Variants in DYRK1A observed in about 807,000 individuals in gnomAD.
DYRK1A encodes dual specificity tyrosine phosphorylation regulated kinase 1A.
A neutral mutation model predicts 79.7 loss-of-function variants in DYRK1A; 9 were observed. That is an observed-to-expected ratio of 0.11 (90% CI 0.07 to 0.20). DYRK1A has a LOEUF of 0.20. Ranked by LOEUF, DYRK1A falls within the 10% of genes least tolerant of loss-of-function variation. The pLI is 1.00. For missense variants in DYRK1A, 622 were observed against 956.0 expected, an observed-to-expected ratio of 0.65 and a Z score of 4.61; for synonymous variants, 349 against 329.7, an observed-to-expected ratio of 1.06 and a Z score of -0.63.
At chr21:37,416,531 C>T (rs1488846634) in intron 1 of DYRK1A, among the ~76,000 whole-genome samples, 1 of 151,740 alleles carries the variant, frequency 6.6e-6, no homozygotes, top group African/African-American at 2.4e-5. Context: ...CCTTTGACTC[C>T]TTTGGCTATT....
rs1601295238 is a variant in DYRK1A at position 37,498,108 on chromosome 21, T to C, written c.1212+1850T>C. ...GTTTGTTTACTGATTTTATTTTTAC[T>C]TTTAATTTTTCATTTTACATTTCAA... On this transcript the variant is annotated intron_variant, in intron 9 of 11. Coordinates refer to ENST00000647188, the MANE Select transcript of DYRK1A (RefSeq NM_001347721.2). 2.0e-5 allele frequency among the ~76,000 whole-genome samples: 3 copies of C among 152,310 alleles called. No homozygotes were observed. The South Asian group carries it at 6.2e-4, about 32-fold the overall frequency.
chr21:37,447,928 G>A (rs1356077522), intron 2 of DYRK1A, among the ~76,000 whole-genome samples: 2 of 152,102 alleles, frequency 1.3e-5, no homozygotes, highest in Admixed American at 6.5e-5. Context: ...TTAAAATTCG[G>A]AATTAACAAG....
At chr21:37,502,784 T>C (rs762529890) in intron 9 of DYRK1A, 1 of 152,212 alleles carries the variant, frequency 6.6e-6, no homozygotes, top group Admixed American at 6.5e-5. Context: ...TATTTTGTAA[T>C]GAATAAGCTA....
intron 5 of DYRK1A, among the ~76,000 whole-genome samples, chr21:37,483,455 TC>T (rs1474343956): frequency 3.9e-5 from 6 of 152,242 alleles, no homozygotes; most frequent in Non-Finnish European, 8.8e-5. Context: ...GTATATGTCT[TC>T]TTCCCATGAT....
chr21:37,391,147 G>A (rs759699827), intron 1 of DYRK1A, among the ~76,000 whole-genome samples: 12 of 152,210 alleles, frequency 7.9e-5, no homozygotes, highest in Non-Finnish European at 1.5e-4. Flanking sequence ...TCTTTGGAGT[G>A]GAGAATGGCA....
chr21:37,375,322 C>T (rs1602356237), intron 1 of DYRK1A, among the ~76,000 whole-genome samples: 1 of 152,222 alleles, frequency 6.6e-6, no homozygotes, highest in South Asian at 2.1e-4. Flanking sequence ...GTATATACAG[C>T]ATTAGAATAG....
Position 37,490,171 on chromosome 21 carries a change from T to C in DYRK1A, c.638-4T>C, listed in dbSNP as rs2053033978. On this transcript the variant is annotated splice_region_variant and splice_polypyrimidine_tract_variant and intron_variant, in intron 6 of 11. Transcript: ENST00000647188. Reference sequence around the variant, plus strand: ...ATTTAAAATGAAACTGTTTTCTCTTTCAGTGCATTTGAAACGCCACTTTAT... The same window carrying C: ...ATTTAAAATGAAACTGTTTTCTCTTCCAGTGCATTTGAAACGCCACTTTAT... 6.2e-7 allele frequency: 1 copy of C among 1,609,876 alleles called. No homozygotes were observed. The highest frequency in any genetic ancestry group is 2.2e-5 in the East Asian group (1 of 44,798).
At chr21:37,399,676 A>G (rs891743230) in intron 1 of DYRK1A, among the ~76,000 whole-genome samples, 1 of 152,206 alleles carries the variant, frequency 6.6e-6, no homozygotes, top group African/African-American at 2.4e-5. Flanking sequence ...TTCACTGAGC[A>G]TGAGAGGCGT....
intron 2 of DYRK1A, among the ~76,000 whole-genome samples, chr21:37,449,717 T>C (rs1028438462): frequency 6.6e-6 from 1 of 152,188 alleles, no homozygotes; most frequent in Non-Finnish European, 1.5e-5. Context: ...ATTTCGTTTT[T>C]GCTTTTCCTT....
At chr21:37,491,931 G>A (rs954067072) in intron 7 of DYRK1A, among the ~76,000 whole-genome samples, 2 of 152,184 alleles carry the variant, frequency 1.3e-5, no homozygotes, top group African/African-American at 4.8e-5. Flanking sequence ...AAATAGACCT[G>A]CAGTGGTCCT....
chr21:37,427,431 C>G lies in DYRK1A; in HGVS notation c.10+7047C>G, dbSNP rs143167212. Among the ~76,000 whole-genome samples, 324 of 152,256 alleles carry G rather than the reference C, an allele frequency of 2.1e-3. 1 individual carries two copies. Among genetic ancestry groups the G allele is most frequent in the Non-Finnish European group, 4.0e-3 (272 of 67,996 alleles). ...GAGTCACCGTCTTGGCCTTTAGTCA[C>G]TTTTTAGTGTGCTTTTAAAATTTAA... On this transcript the variant is annotated intron_variant, in intron 2 of 11. Transcript: ENST00000647188.
chr21:37,486,334 TAGGA>T lies in DYRK1A; in HGVS notation c.490-129_490-126del, dbSNP rs574904385. On this transcript the variant is annotated intron_variant, in intron 5 of 11. Transcript: ENST00000647188. ...AGAAATAGATGGCATCTCTTCTACTTAGGAAGGTCAGAAAAATAATTATAAAAAC... is the reference window on the plus strand; with the variant it reads ...AGAAATAGATGGCATCTCTTCTACTTAGGTCAGAAAAATAATTATAAAAAC... 379 of 627,864 alleles carry T rather than the reference TAGGA, an allele frequency of 6.0e-4. 1 individual carries two copies. The African/African-American group carries it at 6.3e-3, about 11-fold the overall frequency. 38.9% of individuals were successfully genotyped at this position (627,864 alleles called of 1,614,324 possible). A position where few individuals can be genotyped will look rare whatever the true frequency, so the allele number is the denominator to read the frequency against.
chr21:37,457,734 T>C (rs2148518162), intron 2 of DYRK1A, among the ~76,000 whole-genome samples: 1 of 152,324 alleles, frequency 6.6e-6, no homozygotes, highest in Admixed American at 6.5e-5. Context: ...TAAAAATATC[T>C]TGTATGTTTA....
chr21:37,396,214 T>C lies in DYRK1A; in HGVS notation c.-76-24085T>C, dbSNP rs187003103. ...GACTTGGTATAAATGAAAACGCCTC[T>C]TTTTTTTTTTAGGTTGGGGATGGAG... is the stretch of plus-strand genomic sequence containing the variant. On this transcript the variant is annotated intron_variant, in intron 1 of 11. Transcript: ENST00000647188. 2.2e-3 allele frequency among the ~76,000 whole-genome samples: 319 copies of C among 144,842 alleles called. 1 individual carries two copies. The highest frequency in any genetic ancestry group is 4.4e-3 in the Admixed American group (63 of 14,428).
At chr21:37,450,863 T>C (rs1294223437) in intron 2 of DYRK1A, among the ~76,000 whole-genome samples, 2 of 152,194 alleles carry the variant, frequency 1.3e-5, no homozygotes, top group East Asian at 3.9e-4. Flanking sequence ...GCAGGCAGCA[T>C]GCTTGCTGTG....
rs535246541 is a variant in DYRK1A, at chr21:37,507,739, G to A, written c.1644+1516G>A. Among the ~76,000 whole-genome samples the A allele has an allele frequency of 4.3e-5, 6 of 139,278 alleles. No individual in the cohort carries two copies. The East Asian group carries it at 1.3e-3, about 30-fold the overall frequency. 91.4% of individuals were successfully genotyped at this position (139,278 alleles called of 152,430 possible). A position where few individuals can be genotyped will look rare whatever the true frequency, so the allele number is the denominator to read the frequency against. On this transcript the variant is annotated intron_variant, in intron 11 of 11. Transcript: ENST00000647188. ...TCTTCTACCCAGCACTGAAACCTGG[G>A]TGTTCCTCGAGGCATGACCTGTGTC...
intron 1 of DYRK1A, among the ~76,000 whole-genome samples, chr21:37,412,511 T>A (rs528941226): frequency 6.6e-6 from 1 of 152,286 alleles, no homozygotes; most frequent in African/African-American, 2.4e-5. Flanking sequence ...GAGTAGAGTC[T>A]GATGTAGTTT....
chr21:37,478,174 A>C lies in DYRK1A; in HGVS notation c.208-34A>C, dbSNP rs201001986. The C allele has an allele frequency of 2.5e-6, 4 of 1,613,478 alleles. No homozygotes were observed. In the African/African-American group the frequency reaches 5.3e-5, roughly 22 times the overall value. Reference sequence around the variant, plus strand: ...GTTAAAGTGCTAGTCTTTTCTGTCTATTTAAGGTGATGCCTGATATTGTCA... The same window carrying C: ...GTTAAAGTGCTAGTCTTTTCTGTCTCTTTAAGGTGATGCCTGATATTGTCA... On this transcript the variant is annotated intron_variant, in intron 3 of 11. Transcript: ENST00000647188.
rs373695721 is a variant in DYRK1A, at chr21:37,525,548, A to T, written c.*13017A>T. On this transcript the variant is annotated 3_prime_UTR_variant, in exon 12 of 12. Transcript: ENST00000647188. The stretch of plus-strand genomic sequence containing the variant: ...TTGGGTGGGGACACAGCTAACTCAT[A>T]TCAGTGTGGAATAGAAAATGGCTCA... The T allele has an allele frequency of 6.6e-6, 1 of 152,240 alleles. No individual in the cohort carries two copies. The highest frequency in any genetic ancestry group is 1.5e-5 in the Non-Finnish European group (1 of 68,046). 9.4% of individuals were successfully genotyped at this position (152,240 alleles called of 1,614,324 possible).
Sources: allele counts gnomAD v4.1 joint callset (sites outside exome capture counted in the v4.1 genomes callset), GRCh38; gene constraint gnomAD v4.1.1; transcripts MANE v1.5; gene names NCBI Gene and HGNC (gene_info 2026-07-23, HGNC 2026-07-21).